Variants in ZNF138 observed in about 807,000 individuals in gnomAD.
ZNF138 encodes zinc finger protein 138 (clone pHZ-32).
ZNF138 carries 33 observed loss-of-function variants against 33.0 expected under a neutral mutation model. The observed-to-expected ratio is 1.00, with a 90% CI of 0.76 to 1.34. The LOEUF is 1.34. ZNF138 is among the 40% of genes most tolerant of loss of function. The pLI is 0.00. For missense variants in ZNF138, 360 were observed against 370.8 expected (o/e 0.97, Z 0.24); for synonymous variants, 139 against 120.4 (o/e 1.15, Z -1.01).
At chr7:64,850,679 T>C in the ZNF138 span, among the ~76,000 whole-genome samples, 1 of 152,212 alleles carries the variant, frequency 6.6e-6, no homozygotes, top group Non-Finnish European at 1.5e-5. Context: ...TACAGTTTCT[T>C]GATCTCTCTG....
chr7:64,827,553 G>A (rs1465663474), intron 3 of ZNF138, among the ~76,000 whole-genome samples: 1 of 151,942 alleles, frequency 6.6e-6, no homozygotes, highest in Non-Finnish European at 1.5e-5. Context: ...GTGTTCTAGT[G>A]GTAATAAACA....
At chr7:64,817,248 G>T (rs1010419885) in intron 3 of ZNF138, among the ~76,000 whole-genome samples, 2 of 152,150 alleles carry the variant, frequency 1.3e-5, no homozygotes, top group Non-Finnish European at 2.9e-5. Flanking sequence ...CTGCATGGCG[G>T]TAAATGCGTG....
chr7:64,795,174 G>A (rs895305582), intron 1 of ZNF138, among the ~76,000 whole-genome samples: 3 of 152,222 alleles, frequency 2.0e-5, no homozygotes, highest in African/African-American at 4.8e-5. Flanking sequence ...TGTAATCAGA[G>A]GTTAATTGGC....
At chr7:64,848,280 A>G in the ZNF138 span, among the ~76,000 whole-genome samples, 2 of 152,112 alleles carry the variant, frequency 1.3e-5, no homozygotes, top group South Asian at 2.1e-4. Context: ...AGAAACACCA[A>G]TTATTCTTAG....
intron 3 of ZNF138, among the ~76,000 whole-genome samples, chr7:64,819,797 T>C (rs935015398): frequency 6.8e-6 from 1 of 147,428 alleles, no homozygotes. Flanking sequence ...GGGCCAGGCA[T>C]TGTGGTGGCT....
At chr7:64,852,692 T>G in the ZNF138 span, 1 of 1,274,836 alleles carries the variant, frequency 7.8e-7, no homozygotes, top group Non-Finnish European at 1.1e-6. Flanking sequence ...TAGTTTAATA[T>G]TATTCCATTT....
chr7:64,799,618 G>GA (rs111906074), intron 1 of ZNF138, among the ~76,000 whole-genome samples: 7,156 of 151,988 alleles, frequency 0.047, 211 homozygotes, highest in East Asian at 0.14. Flanking sequence ...TGGCAATTGT[G>GA]AATGGGATTG....
chr7:64,825,368 C>G (rs575064835), intron 3 of ZNF138, among the ~76,000 whole-genome samples: 151 of 150,846 alleles, frequency 1.0e-3, no homozygotes, highest in African/African-American at 3.1e-3. Flanking sequence ...GAGACGGAGT[C>G]TCACCGTGTT....
At chr7:64,843,090 C>T in the ZNF138 span, among the ~76,000 whole-genome samples, 1 of 152,126 alleles carries the variant, frequency 6.6e-6, no homozygotes. Context: ...TTGTGCCTGG[C>T]TCATTTCGAC....
At chr7:64,839,063 G>A in the ZNF138 span, among the ~76,000 whole-genome samples, 2 of 152,116 alleles carry the variant, frequency 1.3e-5, no homozygotes, top group Non-Finnish European at 2.9e-5. Context: ...TGGCGGCAGC[G>A]GTCTGACGAG....
chr7:64,853,501 A>G, the ZNF138 span: 1,610 of 466,502 alleles, frequency 3.5e-3, 25 homozygotes, highest in African/African-American at 0.03. Context: ...TTGTCTTTCT[A>G]TGTCAGGATT....
intron 3 of ZNF138, among the ~76,000 whole-genome samples, chr7:64,817,963 A>G (rs1788797447): frequency 6.6e-6 from 1 of 150,678 alleles, no homozygotes; most frequent in African/African-American, 2.4e-5. Context: ...TTCAGCCTGT[A>G]TCTTAATAAT....
chr7:64,832,196 A>T lies in ZNF138; in HGVS notation c.954A>T (p.Leu318=), dbSNP rs1483322881. 9 of 1,605,080 alleles carry T rather than the reference A, an allele frequency of 5.6e-6. No homozygotes were observed. Among genetic ancestry groups the T allele is most frequent in the Non-Finnish European group, 6.8e-6 (8 of 1,177,420 alleles). The change falls in exon 4 of 4, where the codon CTA becomes CTT. Residue 318 remains leucine, a synonymous_variant. Transcript: ENST00000307355. ...AGGAATGTGGCAAAGCTTTTAACCT[A>T]TCTTAACAACTTACTGAACATAAGA... ...KCEECGKAFN[L]S
rs922757940 is a variant in ZNF138, at chr7:64,831,610, G to A, written c.368G>A (p.Gly123Asp). 6 of 1,612,156 alleles carry A rather than the reference G, an allele frequency of 3.7e-6. No individual in the cohort carries two copies. Among genetic ancestry groups the A allele is most frequent in the Non-Finnish European group, 4.2e-6 (5 of 1,179,470 alleles). Reference protein sequence around the residue: ...SVDECKGHQGGFNGLNQCLKI... With the variant: ...SVDECKGHQGDFNGLNQCLKI... ...GATGAGTGTAAGGGACACCAAGGAG[G>A]TTTTAATGGACTTAACCAATGTTTG... Residue 123 changes from glycine to aspartate, a missense_variant, in exon 4 of 4, where the codon GGT (glycine) becomes GAT (aspartate). Gly to Asp is a moderately conservative substitution (Grantham distance 94). Coordinates refer to ENST00000307355, the MANE Select transcript of ZNF138 (RefSeq NM_001271639.2).
the ZNF138 span, among the ~76,000 whole-genome samples, chr7:64,857,936 G>A: frequency 6.6e-6 from 1 of 152,148 alleles, no homozygotes; most frequent in Non-Finnish European, 1.5e-5. Flanking sequence ...AATAAAAAGC[G>A]TTTGATATTG....
At chr7:64,798,530 G>A (rs1014715204) in intron 1 of ZNF138, among the ~76,000 whole-genome samples, 48 of 152,244 alleles carry the variant, frequency 3.2e-4, no homozygotes, top group African/African-American at 8.2e-4. Flanking sequence ...GGTGGCTTAC[G>A]CCTGTAATCC....
chr7:64,850,105 C>T, the ZNF138 span, among the ~76,000 whole-genome samples: 1 of 152,242 alleles, frequency 6.6e-6, no homozygotes, highest in Admixed American at 6.5e-5. Flanking sequence ...CCAGAAGACT[C>T]AGAGCCCACC....
chr7:64,807,449 A>C (rs538136399), intron 1 of ZNF138, among the ~76,000 whole-genome samples: 1 of 152,190 alleles, frequency 6.6e-6, no homozygotes, highest in African/African-American at 2.4e-5. Context: ...TGAACTGTCT[A>C]CTTATATTCA....
chr7:64,805,653 G>C (rs145215808), intron 1 of ZNF138, among the ~76,000 whole-genome samples: 1 of 152,210 alleles, frequency 6.6e-6, no homozygotes, highest in African/African-American at 2.4e-5. Flanking sequence ...CACTAGGAGA[G>C]GGCAAGCAGG....
Sources: gnomAD v4.1 joint callset for allele counts (sites outside exome capture counted in the v4.1 genomes callset) on GRCh38, gnomAD v4.1.1 for gene constraint, MANE v1.5 for transcripts, NCBI Gene and HGNC (gene_info 2026-07-23, HGNC 2026-07-21) for gene names.